LRMDA: variants seen among roughly 807,000 people sequenced by gnomAD.
LRMDA encodes leucine-rich melanocyte differentiation-associated protein.
LRMDA carries 18 observed loss-of-function variants against 29.8 expected under a neutral mutation model. The observed-to-expected ratio is 0.60, with a 90% confidence interval of 0.42 to 0.90. LRMDA has a LOEUF of 0.90. Ranked by LOEUF, LRMDA falls within the 40% of genes least tolerant of loss-of-function variation. LRMDA has a pLI of 0.00. For missense variants in LRMDA, 273 were observed against 273.9 expected (o/e 1.00, Z 0.02); for synonymous variants, 125 against 109.4 (o/e 1.14, Z -0.89).
intron 5 of LRMDA, among the ~76,000 whole-genome samples, chr10:76,311,389 G>A (rs750581698): frequency 2.0e-5 from 3 of 152,000 alleles, no homozygotes; most frequent in Non-Finnish European, 2.9e-5. Context: ...GGCCATTAAG[G>A]CTGCACTTGC....
At chr10:76,412,371 C>CTT (rs1564534269) in intron 6 of LRMDA, among the ~76,000 whole-genome samples, 2 of 152,158 alleles carry the variant, frequency 1.3e-5, no homozygotes, top group Non-Finnish European at 2.9e-5. Context: ...TGATGTAAGA[C>CTT]TTCAGAAAGG....
intron 2 of LRMDA, among the ~76,000 whole-genome samples, chr10:75,809,077 T>C (rs1164478594): frequency 1.3e-5 from 2 of 152,028 alleles, no homozygotes; most frequent in Non-Finnish European, 2.9e-5. Flanking sequence ...CTGCTGCCCA[T>C]CCTCTGGGGG....
rs1023036751 is a variant in LRMDA, at chr10:75,595,266, A to G, written c.131+156772A>G. Among the ~76,000 whole-genome samples the G allele has an allele frequency of 7.9e-5, 12 of 152,292 alleles. No individual in the cohort carries two copies. The South Asian group carries it at 1.2e-3, about 16-fold the overall frequency. ...TTTGCTGAGTGTGGTTCCCTGTTGC[A>G]ATTGAAGTTCAGTCAGCTCATGTCA... On this transcript the variant is annotated intron_variant, in intron 2 of 6. Coordinates refer to ENST00000611255, the MANE Select transcript of LRMDA (RefSeq NM_001305581.2).
chr10:76,330,087 G>T (rs1373260992), intron 6 of LRMDA, among the ~76,000 whole-genome samples: 2 of 152,182 alleles, frequency 1.3e-5, no homozygotes, highest in African/African-American at 4.8e-5. Context: ...GGCTCAAAAG[G>T]AAGTTACTTG....
intron 2 of LRMDA, among the ~76,000 whole-genome samples, chr10:75,709,535 T>C (rs1171303098): frequency 6.6e-6 from 1 of 152,130 alleles, no homozygotes; most frequent in Non-Finnish European, 1.5e-5. Flanking sequence ...CTCTTGGTGG[T>C]TTCTGACAAA....
chr10:76,400,563 A>G (rs1327747154), intron 6 of LRMDA, among the ~76,000 whole-genome samples: 1 of 152,138 alleles, frequency 6.6e-6, no homozygotes, highest in Admixed American at 6.5e-5. Context: ...TGAACTCCCT[A>G]TTCAAGCTGT....
chr10:75,884,933 C>G (rs973295676), intron 2 of LRMDA, among the ~76,000 whole-genome samples: 1 of 152,034 alleles, frequency 6.6e-6, no homozygotes, highest in Non-Finnish European at 1.5e-5. Context: ...TTCAGGAGGC[C>G]TGGGGAGAAC....
At chr10:76,018,621 G>T (rs1001021879) in intron 2 of LRMDA, among the ~76,000 whole-genome samples, 2 of 148,172 alleles carry the variant, frequency 1.3e-5, no homozygotes, top group African/African-American at 5.0e-5. Context: ...AGGCTGGAGT[G>T]CAGTGGTTTA....
At chr10:76,548,375 T>C (rs1250848245) in intron 6 of LRMDA, among the ~76,000 whole-genome samples, 2 of 150,968 alleles carry the variant, frequency 1.3e-5, no homozygotes, top group Non-Finnish European at 2.9e-5. Context: ...AGAATCCTTA[T>C]AGGACAGTAT....
chr10:76,307,271 AC>A (rs1245098340), intron 5 of LRMDA, among the ~76,000 whole-genome samples: 1 of 152,110 alleles, frequency 6.6e-6, no homozygotes, highest in Non-Finnish European at 1.5e-5. Context: ...TATCTGCAAG[AC>A]CTCGTGGGGA....
chr10:76,192,976 G>T (rs1851272280), intron 5 of LRMDA, among the ~76,000 whole-genome samples: 1 of 152,140 alleles, frequency 6.6e-6, no homozygotes, highest in African/African-American at 2.4e-5. Flanking sequence ...GCAAATTAAA[G>T]ACTTTATAAA....
Position 75,552,052 on chromosome 10 carries a change from G to T in LRMDA, c.131+113558G>T, listed in dbSNP as rs144064260. 1.4e-4 allele frequency among the ~76,000 whole-genome samples: 21 copies of T among 149,738 alleles called. No individual in the cohort carries two copies. In the East Asian group the frequency reaches 3.9e-3, roughly 28 times the overall value. ...AGTTAGACACTGCCTAGGCAACAGAGTTAGACCGTGTCTCTAAAAAATAAA... is the reference window on the plus strand; with the variant it reads ...AGTTAGACACTGCCTAGGCAACAGATTTAGACCGTGTCTCTAAAAAATAAA... On this transcript the variant is annotated intron_variant, in intron 2 of 6. Coordinates refer to ENST00000611255, the MANE Select transcript of LRMDA (RefSeq NM_001305581.2).
chr10:76,342,534 A>C (rs886244180), intron 6 of LRMDA, among the ~76,000 whole-genome samples: 7 of 152,034 alleles, frequency 4.6e-5, no homozygotes, highest in African/African-American at 1.4e-4. Flanking sequence ...AAAGTTAAAA[A>C]TAAATATTAA....
intron 2 of LRMDA, among the ~76,000 whole-genome samples, chr10:75,845,950 A>G (rs542080269): frequency 6.6e-6 from 1 of 152,308 alleles, no homozygotes; most frequent in South Asian, 2.1e-4. Context: ...TTTGGAGTAT[A>G]TAGTCACAAC....
At chr10:76,511,624 C>A (rs1431757466) in intron 6 of LRMDA, among the ~76,000 whole-genome samples, 1 of 151,330 alleles carries the variant, frequency 6.6e-6, no homozygotes, top group African/African-American at 2.4e-5. Context: ...AGAATAATTT[C>A]ATTCACAATA....
intron 2 of LRMDA, among the ~76,000 whole-genome samples, chr10:75,904,945 A>G (rs1845734164): frequency 6.6e-6 from 1 of 152,104 alleles, no homozygotes; most frequent in Non-Finnish European, 1.5e-5. Flanking sequence ...ATAACTTGAG[A>G]CAAGGTTTAA....
At chr10:76,020,470 G>A (rs1322495989) in intron 2 of LRMDA, among the ~76,000 whole-genome samples, 2 of 152,196 alleles carry the variant, frequency 1.3e-5, no homozygotes, top group South Asian at 4.1e-4. Flanking sequence ...GGTTTGCCAA[G>A]CACTTTCCCA....
chr10:76,326,627 C>A (rs537777261), intron 6 of LRMDA, among the ~76,000 whole-genome samples: 1 of 152,328 alleles, frequency 6.6e-6, no homozygotes, highest in East Asian at 1.9e-4. Flanking sequence ...AATCTCTTTT[C>A]CTTCCACACC....
chr10:76,369,932 G>A (rs540637747), intron 6 of LRMDA, among the ~76,000 whole-genome samples: 1 of 152,180 alleles, frequency 6.6e-6, no homozygotes, highest in East Asian at 1.9e-4. Context: ...GATTGAAGAA[G>A]TATTGAAGAG....
Sources: gnomAD v4.1 joint callset for allele counts (sites outside exome capture counted in the v4.1 genomes callset) on GRCh38, gnomAD v4.1.1 for gene constraint, MANE v1.5 for transcripts, NCBI Gene and HGNC (gene_info 2026-07-23, HGNC 2026-07-21) for gene names.